Variants in HIVEP2 observed in about 807,000 individuals in gnomAD.
HIVEP2 encodes HIVEP zinc finger 2.
A neutral mutation model predicts 180.7 loss-of-function variants in HIVEP2; 14 were observed. The observed-to-expected ratio is 0.08, with a 90% confidence interval of 0.05 to 0.12. The LOEUF is 0.12. Ranked by LOEUF, HIVEP2 falls within the 10% of genes least tolerant of loss-of-function variation. HIVEP2 has a pLI of 1.00. For synonymous variants in HIVEP2, 1,184 were observed against 1,136.4 expected (o/e 1.04, Z -0.84); for missense variants, 2,579 against 3,008.5 (o/e 0.86, Z 3.34).
At chr6:142,888,675 AC>A (rs1269876183) in intron 1 of HIVEP2, among the ~76,000 whole-genome samples, 1 of 152,140 alleles carries the variant, frequency 6.6e-6, no homozygotes, top group African/African-American at 2.4e-5. Flanking sequence ...CATTCAAAGA[AC>A]CCAAGGTATA....
intron 1 of HIVEP2, among the ~76,000 whole-genome samples, chr6:142,845,569 TAC>T (rs1775490037): frequency 6.6e-6 from 1 of 152,208 alleles, no homozygotes; most frequent in Non-Finnish European, 1.5e-5. Flanking sequence ...TACCAGAAGT[TAC>T]AGAGTTAAAT....
At position 142,771,882 on chromosome 6, in the gene HIVEP2, C is replaced by T; in HGVS notation, c.2857G>A (p.Glu953Lys). 6.2e-7 allele frequency: 1 copy of T among 1,614,188 alleles called. No individual in the cohort carries two copies. The highest frequency in any genetic ancestry group is 8.5e-7 in the Non-Finnish European group (1 of 1,180,042). Reference sequence around the variant, plus strand: ...GTGCCTGTGGATTCAAAGCTGGACTCCCCTGAGGAGTGCTCCATATCTGCA... The same window carrying T: ...GTGCCTGTGGATTCAAAGCTGGACTTCCCTGAGGAGTGCTCCATATCTGCA... Reference protein sequence around the residue: ...RLADMEHSSGESSFESTGTGL... With the variant: ...RLADMEHSSGKSSFESTGTGL... The change falls in exon 5 of 10, where the codon GAG becomes AAG. Residue 953 changes from glutamate (E) to lysine (K), a missense_variant. Physicochemically the swap from Glu to Lys is moderately conservative, Grantham distance 56. This residue lies in a region of HIVEP2 where 51 missense variants were observed against 102.8 expected (regional missense o/e 0.50). Transcript: ENST00000367603. The surrounding 1 kb of genome is among the most constrained non-coding windows in gnomAD (Gnocchi z 5.4).
At chr6:142,802,893 G>C (rs1192169597) in intron 2 of HIVEP2, among the ~76,000 whole-genome samples, 1 of 152,074 alleles carries the variant, frequency 6.6e-6, no homozygotes, top group Non-Finnish European at 1.5e-5. Flanking sequence ...AGCTAAGCTA[G>C]ACTTTACAAC....
At chr6:142,919,829 T>C (rs1164960344) in intron 1 of HIVEP2, among the ~76,000 whole-genome samples, 4 of 152,218 alleles carry the variant, frequency 2.6e-5, no homozygotes, top group Non-Finnish European at 5.9e-5. Context: ...TCTCTAGTAA[T>C]GTTAATAAGT....
rs537552694 is a variant in HIVEP2 at position 142,809,890 on chromosome 6, G to A, written c.-527-26275C>T. 1.6e-4 allele frequency among the ~76,000 whole-genome samples: 25 copies of A among 152,052 alleles called. No individual in the cohort carries two copies. The South Asian group carries it at 2.7e-3, about 16-fold the overall frequency. On this transcript the variant is annotated intron_variant, in intron 2 of 9. Transcript: ENST00000367603. Reference sequence around the variant, plus strand: ...ATTACAGGCATGAGCCACTGTGCCCGGCCCAATATTCTAATTTTTAAACAT... The same window carrying A: ...ATTACAGGCATGAGCCACTGTGCCCAGCCCAATATTCTAATTTTTAAACAT...
At chr6:142,936,822 A>G (rs1195808851) in intron 1 of HIVEP2, among the ~76,000 whole-genome samples, 1 of 151,870 alleles carries the variant, frequency 6.6e-6, no homozygotes, top group Non-Finnish European at 1.5e-5. Flanking sequence ...CATGAAGGCA[A>G]GGAATTTTTT....
At chr6:142,935,109 C>T (rs778095419) in intron 1 of HIVEP2, among the ~76,000 whole-genome samples, 1 of 152,188 alleles carries the variant, frequency 6.6e-6, no homozygotes, top group Non-Finnish European at 1.5e-5. Flanking sequence ...TATCTGTTCA[C>T]TCGCTGCAAA....
chr6:142,773,286 C>A lies in HIVEP2; in HGVS notation c.1453G>T (p.Val485Phe). Reference sequence around the variant, plus strand: ...AGCATGCTCGTTTGACTGGGGTCGACATCTCCCTTGCTTGGGATCAGCTGT... The same window carrying A: ...AGCATGCTCGTTTGACTGGGGTCGAAATCTCCCTTGCTTGGGATCAGCTGT... ...VSQLIPSKGD[V>F]DPSQTSMLKS... The change falls in exon 5 of 10, where the codon GTC (valine) becomes TTC (phenylalanine). Residue 485 changes from valine to phenylalanine, a missense_variant. Transcript: ENST00000367603. 2 of 1,614,182 alleles carry A rather than the reference C, an allele frequency of 1.2e-6. No homozygotes were observed. The highest frequency in any genetic ancestry group is 1.7e-6 in the Non-Finnish European group (2 of 1,180,040).
chr6:142,753,725 C>T lies in HIVEP2; in HGVS notation c.6723G>A (p.Pro2241=), dbSNP rs1333829881. ...AAGGATGTAAACTGGAAAGGGCTGGCGGCATGGAGTGAACCATCTGGATCC... is the reference window on the plus strand; with the variant it reads ...AAGGATGTAAACTGGAAAGGGCTGGTGGCATGGAGTGAACCATCTGGATCC... ...VGGIQMVHSM[P]PALSSLHPSP... is the part of the protein sequence containing the mutation. The change falls in exon 10 of 10, where the codon CCG becomes CCA. Residue 2241 remains proline (P), a synonymous_variant. Coordinates refer to ENST00000367603, the MANE Select transcript of HIVEP2 (RefSeq NM_006734.4). 13 of 1,613,952 alleles carry T rather than the reference C, an allele frequency of 8.1e-6. No individual in the cohort carries two copies. The highest frequency in any genetic ancestry group is 1.6e-4 in the Middle Eastern group (1 of 6,084).
In HIVEP2 at chr6:142,825,888, A is replaced by G. The variant is rs189298188; in HGVS notation, c.-528+11047T>C. 2.7e-3 allele frequency among the ~76,000 whole-genome samples: 409 copies of G among 152,242 alleles called. 3 individuals are homozygous for G. Among genetic ancestry groups the G allele is most frequent in the African/African-American group, 9.4e-3 (392 of 41,584 alleles). On this transcript the variant is annotated intron_variant, in intron 2 of 9. Coordinates refer to ENST00000367603, the MANE Select transcript of HIVEP2 (RefSeq NM_006734.4). ...GTTTTAATTTTTTCAGCAGACTTTC[A>G]ACATGCTTCAAACATATGCACATAA...
chr6:142,897,619 A>G (rs1777032344), intron 1 of HIVEP2, among the ~76,000 whole-genome samples: 1 of 152,210 alleles, frequency 6.6e-6, no homozygotes, highest in Admixed American at 6.5e-5. Flanking sequence ...ATATGATTCC[A>G]TATACATAAA....
chr6:142,769,658 A>C lies in HIVEP2; in HGVS notation c.5081T>G (p.Leu1694Arg). 1 of 1,614,194 alleles carries C rather than the reference A, an allele frequency of 6.2e-7. No individual in the cohort carries two copies. Among genetic ancestry groups the C allele is most frequent in the Non-Finnish European group, 8.5e-7 (1 of 1,180,032 alleles). Residue 1694 changes from leucine (L) to arginine (R), a missense_variant, in exon 5 of 10, where the codon CTG becomes CGG. Coordinates refer to ENST00000367603, the MANE Select transcript of HIVEP2 (RefSeq NM_006734.4). The part of the protein sequence containing the change: ...GLNTKTTLAL[L>R]RSKQKITAEI... ...TGCAGTGATTTTTTGCTTGGACCTC[A>C]GAAGAGCCAGCGTGGTCTTGGTGTT... is the stretch of plus-strand genomic sequence containing the variant.
intron 1 of HIVEP2, among the ~76,000 whole-genome samples, chr6:142,923,892 T>C (rs1777738599): frequency 6.6e-6 from 1 of 152,182 alleles, no homozygotes; most frequent in African/African-American, 2.4e-5. Context: ...AATAATCAAA[T>C]ATGAAATAGG....
At chr6:142,929,508 C>T (rs1397441780) in intron 1 of HIVEP2, among the ~76,000 whole-genome samples, 1 of 152,068 alleles carries the variant, frequency 6.6e-6, no homozygotes, top group African/African-American at 2.4e-5. Flanking sequence ...TTTTCAAATG[C>T]ACCTCTTTTA....
At chr6:142,918,811 C>T (rs770508014) in intron 1 of HIVEP2, among the ~76,000 whole-genome samples, 16 of 152,164 alleles carry the variant, frequency 1.1e-4, no homozygotes, top group Non-Finnish European at 1.8e-4. Context: ...AAAACAAACA[C>T]AGGTTCCAGT....
chr6:142,818,789 GA>G (rs755903707), intron 2 of HIVEP2, among the ~76,000 whole-genome samples: 1 of 122,272 alleles, frequency 8.2e-6, no homozygotes, highest in African/African-American at 3.4e-5. Context: ...AAGAAAGAAA[GA>G]AAAAGAAAAG....
chr6:142,897,749 TG>T (rs1475859646), intron 1 of HIVEP2, among the ~76,000 whole-genome samples: 1 of 152,242 alleles, frequency 6.6e-6, no homozygotes, highest in Non-Finnish European at 1.5e-5. Flanking sequence ...AATGTTCAAA[TG>T]GTGAAAATCC....
At chr6:142,756,907 T>C (rs1236634606) in intron 9 of HIVEP2, among the ~76,000 whole-genome samples, 2 of 152,140 alleles carry the variant, frequency 1.3e-5, no homozygotes, top group Non-Finnish European at 2.9e-5. Context: ...CTCCTTCTCA[T>C]CATTTGTGTC....
chr6:142,839,454 T>C (rs1000736413), intron 1 of HIVEP2, among the ~76,000 whole-genome samples: 2 of 152,156 alleles, frequency 1.3e-5, no homozygotes, highest in African/African-American at 4.8e-5. Context: ...ATCTGACCTT[T>C]GTATTTCAGT....
Sources: gnomAD v4.1 joint callset for allele counts (sites outside exome capture counted in the v4.1 genomes callset) on GRCh38, gnomAD v4.1.1 for gene constraint, gnomAD v4.1.1 regional missense constraint, Gnocchi (gnomAD v3.1) non-coding constraint, MANE v1.5 for transcripts, NCBI Gene and HGNC (gene_info 2026-07-23, HGNC 2026-07-21) for gene names.